Variants in CALN1 observed in about 807,000 individuals in gnomAD.
CALN1 encodes the protein calcium-binding protein 8.
CALN1 carries 17 observed loss-of-function variants against 30.6 expected under a neutral mutation model. The observed-to-expected ratio is 0.56, with a 90% CI of 0.38 to 0.83. The LOEUF (loss-of-function observed/expected upper bound fraction) is 0.83. CALN1 is among the 40% of genes least tolerant of loss of function. The pLI is 0.00. For missense variants in CALN1, 291 were observed against 354.9 expected, an observed-to-expected ratio of 0.82 and a Z score of 1.45; for synonymous variants, 156 against 131.4, an observed-to-expected ratio of 1.19 and a Z score of -1.28.
intron 5 of CALN1, among the ~76,000 whole-genome samples, chr7:71,978,372 C>T (rs1229746535): frequency 1.3e-5 from 2 of 148,382 alleles, no homozygotes; most frequent in South Asian, 2.2e-4. Context: ...CCTGGGTTCA[C>T]GCCATTCTCC....
chr7:72,129,412 C>G (rs1044848282), intron 3 of CALN1, among the ~76,000 whole-genome samples: 7 of 151,986 alleles, frequency 4.6e-5, no homozygotes, highest in Admixed American at 3.9e-4. Context: ...AATATATGAA[C>G]CAGGCTAGTG....
At chr7:72,149,728 C>A (rs1585043332) in intron 3 of CALN1, among the ~76,000 whole-genome samples, 1 of 152,064 alleles carries the variant, frequency 6.6e-6, no homozygotes, top group Non-Finnish European at 1.5e-5. Context: ...ATTGTGAAAT[C>A]TTTTCTCTTT....
At chr7:71,952,385 A>G (rs1383039180) in intron 5 of CALN1, among the ~76,000 whole-genome samples, 1 of 152,070 alleles carries the variant, frequency 6.6e-6, no homozygotes, top group African/African-American at 2.4e-5. Flanking sequence ...TATTAATATG[A>G]TAATAACTCC....
chr7:72,081,764 T>C (rs974119487), intron 4 of CALN1, among the ~76,000 whole-genome samples: 1 of 152,042 alleles, frequency 6.6e-6, no homozygotes, highest in Non-Finnish European at 1.5e-5. Flanking sequence ...TAGCCAGAAC[T>C]CATCCAGATG....
chr7:71,880,544 C>A (rs1376111764), intron 5 of CALN1, among the ~76,000 whole-genome samples: 1 of 152,056 alleles, frequency 6.6e-6, no homozygotes, highest in Non-Finnish European at 1.5e-5. Flanking sequence ...TGGTTCTATG[C>A]TGATGACCTT....
chr7:72,001,788 C>T (rs1799540899), intron 5 of CALN1, among the ~76,000 whole-genome samples: 1 of 152,172 alleles, frequency 6.6e-6, no homozygotes, highest in South Asian at 2.1e-4. Flanking sequence ...CAGACCCATA[C>T]AGATTGGCCA....
intron 5 of CALN1, among the ~76,000 whole-genome samples, chr7:71,864,675 A>C (rs1791486610): frequency 6.6e-6 from 1 of 152,146 alleles, no homozygotes; most frequent in African/African-American, 2.4e-5. Context: ...TTAAATCACT[A>C]AGTTTGTGGC....
the CALN1 span, among the ~76,000 whole-genome samples, chr7:72,477,206 C>T: frequency 7.8e-6 from 1 of 127,772 alleles, no homozygotes; most frequent in Non-Finnish European, 1.6e-5. Context: ...GCAAGACTGT[C>T]TCAACAAAAA....
chr7:72,018,123 T>C (rs1205485746), intron 5 of CALN1, among the ~76,000 whole-genome samples: 1 of 152,044 alleles, frequency 6.6e-6, no homozygotes, highest in Non-Finnish European at 1.5e-5. Context: ...TGGGGTAAAT[T>C]CATGAAAACA....
intron 1 of CALN1, among the ~76,000 whole-genome samples, chr7:72,427,798 A>G (rs1349207098): frequency 6.6e-6 from 1 of 152,050 alleles, no homozygotes; most frequent in African/African-American, 2.4e-5. Flanking sequence ...GATCTTTTAA[A>G]TGAGCAAAAA....
intron 5 of CALN1, among the ~76,000 whole-genome samples, chr7:71,960,062 G>A (rs11982945): frequency 0.029 from 4,400 of 151,440 alleles, 211 homozygotes; most frequent in African/African-American, 0.099. Flanking sequence ...GAACCCAGGA[G>A]GTGGTGGTTG....
rs552628310 is a variant in CALN1 at position 71,939,628 on chromosome 7, T to C, written c.501+84029A>G. ...TTATGATCATCCTCTCCACCCCACA[T>C]TCCCTAGACAGGAAAATGAGGCAAG... is the stretch of plus-strand genomic sequence containing the variant. On this transcript the variant is annotated intron_variant, in intron 5 of 6. Coordinates refer to ENST00000395275, the MANE Select transcript of CALN1 (RefSeq NM_031468.4). Among the ~76,000 whole-genome samples the C allele has an allele frequency of 2.6e-5, 4 of 151,492 alleles. No individual in the cohort carries two copies. In the South Asian group the frequency reaches 8.4e-4, roughly 32 times the overall value.
chr7:72,446,044 C>G (rs207468081), intron 1 of CALN1, among the ~76,000 whole-genome samples: 1 of 152,110 alleles, frequency 6.6e-6, no homozygotes, highest in African/African-American at 2.4e-5. Flanking sequence ...AACCCTGCCT[C>G]TAAGCCACAA....
chr7:72,121,219 T>TTATATTA (rs1808357730), intron 3 of CALN1, among the ~76,000 whole-genome samples: 1 of 143,840 alleles, frequency 7.0e-6, no homozygotes, highest in African/African-American at 2.5e-5. Context: ...ATATTATGTA[T>TTATATTA]TATATAACTA....
intron 1 of CALN1, among the ~76,000 whole-genome samples, chr7:72,425,464 A>C (rs192127899): frequency 6.6e-6 from 1 of 152,308 alleles, no homozygotes; most frequent in African/African-American, 2.4e-5. Flanking sequence ...CCCATGGCTG[A>C]GACCACGCTC....
At chr7:72,320,048 G>A (rs1476910724) in intron 2 of CALN1, among the ~76,000 whole-genome samples, 1 of 152,134 alleles carries the variant, frequency 6.6e-6, no homozygotes, top group Non-Finnish European at 1.5e-5. Flanking sequence ...TTGAACCCAG[G>A]AGGCAGAGGC....
At position 71,978,262 on chromosome 7, in the gene CALN1, C is replaced by CTATTTTTTT. The variant is rs1173448154; in HGVS notation, c.501+45394_501+45395insAAAAAAATA. Among the ~76,000 whole-genome samples the CTATTTTTTT allele has an allele frequency of 2.1e-4, 15 of 72,954 alleles. 1 individual carries two copies. The highest frequency in any genetic ancestry group is 2.6e-4 in the Non-Finnish European group (10 of 38,822). The allele number at this position is 72,954 out of a possible 152,430, so 47.9% of individuals were successfully genotyped here. ...AAAAACTCAGGGACTCTAGAGAATT[C>CTATTTTTTT]TTTTTTTTTTTTTTTTTTTTTTTTT... On this transcript the variant is annotated intron_variant, in intron 5 of 6. Coordinates refer to ENST00000395275, the MANE Select transcript of CALN1 (RefSeq NM_031468.4).
rs1793051377 is a variant in CALN1, at chr7:71,787,659, T to A, written c.*116A>T. 2.8e-6 allele frequency: 4 copies of A among 1,429,334 alleles called. No individual in the cohort carries two copies. The highest frequency in any genetic ancestry group is 3.8e-6 in the Non-Finnish European group (4 of 1,066,208). 88.5% of individuals were successfully genotyped at this position (1,429,334 alleles called of 1,614,324 possible). A position where few individuals can be genotyped will look rare whatever the true frequency, so the allele number is the denominator to read the frequency against. ...TTGGGTTCTTTACTGAACGGTTCCA[T>A]CGTCCGCATCCATCCATAGTCCATA... On this transcript the variant is annotated 3_prime_UTR_variant, in exon 7 of 7. Transcript: ENST00000395275.
At chr7:72,165,636 G>A (rs1013574403) in intron 3 of CALN1, among the ~76,000 whole-genome samples, 1 of 151,940 alleles carries the variant, frequency 6.6e-6, no homozygotes, top group Admixed American at 6.6e-5. Flanking sequence ...AAGCGAAAAT[G>A]GGAAGGGAAA....
Sources: gnomAD v4.1 joint callset for allele counts (sites outside exome capture counted in the v4.1 genomes callset) on GRCh38, gnomAD v4.1.1 for gene constraint, MANE v1.5 for transcripts, NCBI Gene and HGNC (gene_info 2026-07-23, HGNC 2026-07-21) for gene names.